HMCN1: variants seen among roughly 807,000 people sequenced by gnomAD.
HMCN1 encodes hemicentin 1.
In HMCN1, 321 loss-of-function variants were observed where a neutral mutation model predicts 625.9. The ratio of observed to expected loss-of-function variants is 0.51; its 90% CI spans 0.47 to 0.56. The LOEUF is 0.56. Among genes scored for constraint, HMCN1 ranks in the 20% least tolerant of loss-of-function variants. The pLI, the probability that HMCN1 is intolerant of heterozygous loss-of-function variation, is 0.00. For synonymous variants in HMCN1, 2,425 were observed against 2,417.6 expected, an observed-to-expected ratio of 1.00 and a Z score of -0.09; for missense variants, 6,588 against 6,887.3, an observed-to-expected ratio of 0.96 and a Z score of 1.54.
At chr1:185,990,148 C>A in intron 21 of HMCN1, 127 bp from the exon 22 acceptor site, 1 of 903,578 alleles carries the variant, frequency 1.1e-6, no homozygotes, top group South Asian at 1.3e-5. Context: ...AAAGTTTTAG[C>A]TTATGTCCTG....
At chr1:186,065,523 T>C (rs71634151) in intron 49 of HMCN1, 94 bp downstream of exon 49, 15,954 of 881,228 alleles carry the variant, frequency 0.018, 203 homozygotes, top group Middle Eastern at 0.031. Flanking sequence ...GTTTCCGTCG[T>C]AGAATTTCAT....
intron 52 of HMCN1, among the ~76,000 whole-genome samples, chr1:186,073,799 A>T (rs1658619542): frequency 6.6e-6 from 1 of 152,084 alleles, no homozygotes; most frequent in Admixed American, 6.6e-5. Flanking sequence ...TGAAAAAAAA[A>T]AAACTTAAAG....
chr1:185,923,557 C>A lies in HMCN1; in HGVS notation c.1189C>A (p.Pro397Thr), dbSNP rs201214008. 4.3e-6 allele frequency: 7 copies of A among 1,610,734 alleles called. No individual in the cohort carries two copies. The highest frequency in any genetic ancestry group is 5.9e-6 in the Non-Finnish European group (7 of 1,177,796). ...ATGGAATATTTCTGACTTTGTACCA[C>A]CAAATGAAGCTTTCTTTCTCAAAGT... ...GIWNISDFVP[P>T]NEAFFLKVTG... Residue 397 changes from proline to threonine, a missense_variant, in exon 8 of 107, where the codon CCA (proline) becomes ACA (threonine). Around this residue, in one of 3 missense-constraint regions of HMCN1, gnomAD observed 4,628 missense variants for 4,853.1 expected, o/e 0.95. Transcript: ENST00000271588.
intron 30 of HMCN1, among the ~76,000 whole-genome samples, chr1:186,008,515 A>G (rs1039950715): frequency 1.4e-4 from 22 of 152,154 alleles, no homozygotes; most frequent in African/African-American, 4.6e-4. Flanking sequence ...CAGAAAACTT[A>G]AAATTACATA....
At chr1:186,163,354 A>G (rs1207506450) in intron 97 of HMCN1, among the ~76,000 whole-genome samples, 1 of 152,084 alleles carries the variant, frequency 6.6e-6, no homozygotes, top group Admixed American at 6.6e-5. Flanking sequence ...GACCTCTTGC[A>G]CTTCCCGAGT....
At chr1:185,824,158 C>A (rs1292048278) in intron 1 of HMCN1, among the ~76,000 whole-genome samples, 4 of 152,110 alleles carry the variant, frequency 2.6e-5, no homozygotes, top group South Asian at 2.1e-4. Flanking sequence ...CTCTGAATAA[C>A]CCTGACAAGG....
At chr1:185,893,155 C>G (rs185861509) in intron 4 of HMCN1, among the ~76,000 whole-genome samples, 9 of 152,222 alleles carry the variant, frequency 5.9e-5, no homozygotes, top group African/African-American at 1.9e-4. Flanking sequence ...GGCAATGCCT[C>G]GCCCTGCTTC....
chr1:186,018,527 G>A (rs897331876), intron 34 of HMCN1, among the ~76,000 whole-genome samples, 175 bp downstream of exon 34: 1 of 151,974 alleles, frequency 6.6e-6, no homozygotes, highest in African/African-American at 2.4e-5. Context: ...TTGACCCAGA[G>A]ACTCAACCAA....
At chr1:186,132,273 G>A in intron 85 of HMCN1, 55 bp from the exon 86 acceptor site, 2 of 1,245,330 alleles carry the variant, frequency 1.6e-6, no homozygotes, top group Non-Finnish European at 2.3e-6. Flanking sequence ...TGAAAAAAGT[G>A]ATTGCCCTGC....
rs748032823 is a variant in HMCN1, at chr1:186,189,763, G to A, written c.16793G>A (p.Arg5598Gln). Residue 5598 changes from arginine to glutamine, a missense_variant, in exon 107 of 107, where the codon CGA (arginine) becomes CAA (glutamine). This residue lies in a region of HMCN1 where 1,954 missense variants were observed against 2,013.1 expected (regional missense o/e 0.97). Coordinates refer to ENST00000271588, the MANE Select transcript of HMCN1 (RefSeq NM_031935.3). ...GTGGTGTATACAACACGACCACTAC[G>A]AGAAGCAGAGACCTACCGCATGAGG... ...KGVVYTTRPL[R>Q]EAETYRMRVR... The A allele has an allele frequency of 1.7e-5, 28 of 1,613,504 alleles. No individual in the cohort carries two copies. Among genetic ancestry groups the A allele is most frequent in the Non-Finnish European group, 2.1e-5 (25 of 1,179,798 alleles).
intron 1 of HMCN1, among the ~76,000 whole-genome samples, chr1:185,818,141 A>T (rs1392933223): frequency 1.5e-4 from 23 of 152,086 alleles, no homozygotes; most frequent in Admixed American, 1.5e-3. Flanking sequence ...TATTTTCTTT[A>T]TATTTTTTTC....
At chr1:186,065,516 T>A (rs971085416) in intron 49 of HMCN1, 87 bp downstream of exon 49, 1 of 967,670 alleles carries the variant, frequency 1.0e-6, no homozygotes, top group Non-Finnish European at 1.5e-6. Context: ...AAGTAATGTT[T>A]CCGTCGTAGA....
chr1:186,076,664 C>A, intron 54 of HMCN1, 42 bp downstream of exon 54: 1 of 1,568,918 alleles, frequency 6.4e-7, no homozygotes, highest in South Asian at 1.1e-5. Context: ...GACTCTCTGC[C>A]AAATGTGTTT....
At chr1:186,058,233 G>T (rs1433010878) in intron 46 of HMCN1, among the ~76,000 whole-genome samples, 1 of 151,902 alleles carries the variant, frequency 6.6e-6, no homozygotes, top group Non-Finnish European at 1.5e-5. Context: ...ATGAACTTAT[G>T]GTGAAGTATA....
intron 4 of HMCN1, among the ~76,000 whole-genome samples, chr1:185,879,137 C>T (rs1664134808): frequency 6.6e-6 from 1 of 152,138 alleles, no homozygotes; most frequent in South Asian, 2.1e-4. Flanking sequence ...CCAATCCCTT[C>T]CTTGCCTAGT....
In HMCN1 at chr1:185,987,497, C is replaced by T. The variant is rs370029491; in HGVS notation, c.3001C>T (p.Pro1001Ser). The T allele has an allele frequency of 1.5e-5, 25 of 1,613,702 alleles. No homozygotes were observed. Among genetic ancestry groups the T allele is most frequent in the African/African-American group, 2.7e-5 (2 of 74,920 alleles). Reference sequence around the variant, plus strand: ...AATTGAAGGCATTCCAGTAACTTTACCATGCAAAGCAAGTGGAAATCCCAA... The same window carrying T: ...AATTGAAGGCATTCCAGTAACTTTATCATGCAAAGCAAGTGGAAATCCCAA... ...STIEGIPVTL[P>S]CKASGNPKPS... Residue 1001 changes from proline to serine, a missense_variant, in exon 20 of 107, where the codon CCA (proline) becomes TCA (serine). Physicochemically the swap from Pro to Ser is moderately conservative, Grantham distance 74. Around this residue, in one of 3 missense-constraint regions of HMCN1, gnomAD observed 4,628 missense variants for 4,853.1 expected, o/e 0.95. Coordinates refer to ENST00000271588, the MANE Select transcript of HMCN1 (RefSeq NM_031935.3).
chr1:186,118,227 C>A (rs1661228251), intron 77 of HMCN1, among the ~76,000 whole-genome samples: 1 of 151,984 alleles, frequency 6.6e-6, no homozygotes, highest in Admixed American at 6.6e-5. Flanking sequence ...AAAACTTATC[C>A]TACACTGGGG....
At chr1:185,993,149 T>A (rs746666320) in intron 22 of HMCN1, 33 bp from the exon 23 acceptor site, 3 of 1,602,812 alleles carry the variant, frequency 1.9e-6, no homozygotes, top group African/African-American at 2.7e-5. Flanking sequence ...ATTCTCCTCT[T>A]CCATGGTCTA....
intron 80 of HMCN1, among the ~76,000 whole-genome samples, 189 bp downstream of exon 80, chr1:186,120,334 T>A (rs1454564184): frequency 6.6e-6 from 1 of 152,234 alleles, no homozygotes; most frequent in Non-Finnish European, 1.5e-5. Context: ...TTGTTGGCCA[T>A]TGTTTGTATA....
Sources: gnomAD v4.1 joint callset for allele counts (sites outside exome capture counted in the v4.1 genomes callset) on GRCh38, gnomAD v4.1.1 for gene constraint, gnomAD v4.1.1 regional missense constraint, MANE v1.5 for transcripts, NCBI Gene and HGNC (gene_info 2026-07-23, HGNC 2026-07-21) for gene names.